The following TAFA4 variants were observed in gnomAD, a reference collection of about 807,000 sequenced individuals.
TAFA4 encodes chemokine-like protein TAFA-4.
TAFA4 carries 20 observed loss-of-function variants against 21.1 expected under a neutral mutation model. The ratio of observed to expected loss-of-function variants is 0.95; its 90% CI spans 0.67 to 1.38. TAFA4 has a LOEUF of 1.38. Among genes scored for constraint, TAFA4 ranks in the 40% most tolerant of loss-of-function variants. The pLI is 0.00. For synonymous variants in TAFA4, 71 were observed against 67.4 expected (o/e 1.05, Z -0.26); for missense variants, 211 against 180.9 (o/e 1.17, Z -0.95).
At chr3:68,783,698 A>AGG (rs1559519686) in intron 3 of TAFA4, among the ~76,000 whole-genome samples, 9 of 126,490 alleles carry the variant, frequency 7.1e-5, no homozygotes, top group Non-Finnish European at 1.2e-4. Context: ...AGAGAGAGAG[A>AGG]GAGAGAGAGA....
At position 68,732,847 on chromosome 3, in the gene TAFA4, G is replaced by A. The variant is rs1234944541; in HGVS notation, c.*295C>T. 6.9e-6 allele frequency: 3 copies of A among 432,280 alleles called. No individual in the cohort carries two copies. Among genetic ancestry groups the A allele is most frequent in the Non-Finnish European group, 1.2e-5 (3 of 242,088 alleles). 26.8% of individuals were successfully genotyped at this position (432,280 alleles called of 1,614,324 possible). A position where few individuals can be genotyped will look rare whatever the true frequency, so the allele number is the denominator to read the frequency against. On this transcript the variant is annotated 3_prime_UTR_variant, in exon 6 of 6. Transcript: ENST00000295569. ...GAAGAATGAACATGCCCTTAGTGGTGATCCATTTTGAAGACTCTGATTTGC... is the reference window on the plus strand; with the variant it reads ...GAAGAATGAACATGCCCTTAGTGGTAATCCATTTTGAAGACTCTGATTTGC...
intron 3 of TAFA4, among the ~76,000 whole-genome samples, chr3:68,790,672 G>T (rs993304065): frequency 6.6e-6 from 1 of 152,136 alleles, no homozygotes; most frequent in Non-Finnish European, 1.5e-5. Context: ...TCTGACATTT[G>T]TGCAGAGGCA....
intron 3 of TAFA4, among the ~76,000 whole-genome samples, chr3:68,774,278 C>A (rs1162128220): frequency 6.6e-6 from 1 of 152,152 alleles, no homozygotes; most frequent in Non-Finnish European, 1.5e-5. Flanking sequence ...TTATTTCATT[C>A]TGCTGCAAGC....
At chr3:68,881,851 C>T (rs2106951785) in intron 2 of TAFA4, among the ~76,000 whole-genome samples, 1 of 152,256 alleles carries the variant, frequency 6.6e-6, no homozygotes, top group South Asian at 2.1e-4. Context: ...GAAGCATCTC[C>T]AGCTCCCAGC....
At chr3:68,823,689 G>A (rs1704163393) in intron 3 of TAFA4, among the ~76,000 whole-genome samples, 1 of 152,130 alleles carries the variant, frequency 6.6e-6, no homozygotes, top group African/African-American at 2.4e-5. Context: ...CTTATAAAGT[G>A]AGGACATGCA....
At chr3:68,802,527 T>C (rs1703599464) in intron 3 of TAFA4, among the ~76,000 whole-genome samples, 1 of 152,090 alleles carries the variant, frequency 6.6e-6, no homozygotes, top group Non-Finnish European at 1.5e-5. Flanking sequence ...AGATAAATAC[T>C]ATAAGAAGTG....
At chr3:68,903,847 C>T (rs1365404921) in intron 1 of TAFA4, among the ~76,000 whole-genome samples, 1 of 152,142 alleles carries the variant, frequency 6.6e-6, no homozygotes, top group Non-Finnish European at 1.5e-5. Flanking sequence ...TCAGGACTCT[C>T]CATCCTCAGA....
intron 3 of TAFA4, among the ~76,000 whole-genome samples, chr3:68,780,858 C>A (rs1371495659): frequency 1.3e-5 from 2 of 148,876 alleles, no homozygotes; most frequent in Non-Finnish European, 3.0e-5. Context: ...ATTTTTAGTA[C>A]AATATGGAAT....
chr3:68,880,697 C>T (rs2089606364), intron 3 of TAFA4, 33 bp downstream of exon 3: 1 of 1,569,720 alleles, frequency 6.4e-7, no homozygotes, highest in African/African-American at 1.3e-5. Flanking sequence ...GTTTTATTAT[C>T]TCAGCAGTGC....
chr3:68,798,069 CA>C lies in TAFA4; in HGVS notation c.131-45052del, dbSNP rs1303372030. On this transcript the variant is annotated intron_variant, in intron 3 of 5. Transcript: ENST00000295569. ...TCTTCATCCAGCTGTCATTCACCAT[CA>C]AGGATTTCATCACACAGTATCTCAC... Among the ~76,000 whole-genome samples the C allele has an allele frequency of 3.9e-5, 6 of 152,292 alleles. No individual in the cohort carries two copies. The East Asian group carries it at 9.6e-4, about 24-fold the overall frequency.
chr3:68,879,370 A>G (rs2089590041), intron 3 of TAFA4, among the ~76,000 whole-genome samples: 1 of 152,174 alleles, frequency 6.6e-6, no homozygotes, highest in Admixed American at 6.5e-5. Flanking sequence ...CATTGCAAGG[A>G]TCATGGACTT....
chr3:68,926,738 C>A (rs2090110955), intron 1 of TAFA4, among the ~76,000 whole-genome samples: 1 of 151,840 alleles, frequency 6.6e-6, no homozygotes, highest in African/African-American at 2.4e-5. Context: ...CGTGGTGAAA[C>A]CCGTCTCTAT....
chr3:68,833,309 A>G (rs536020826), intron 3 of TAFA4, among the ~76,000 whole-genome samples: 1 of 152,146 alleles, frequency 6.6e-6, no homozygotes, highest in African/African-American at 2.4e-5. Context: ...AGCTGTTCCT[A>G]TTCAGCCATC....
chr3:68,789,422 C>T (rs149893329), intron 3 of TAFA4, among the ~76,000 whole-genome samples: 2 of 152,224 alleles, frequency 1.3e-5, no homozygotes, highest in Non-Finnish European at 2.9e-5. Flanking sequence ...ATTCTTACCA[C>T]ACACATACAC....
At chr3:68,800,886 C>A (rs1227342215) in intron 3 of TAFA4, among the ~76,000 whole-genome samples, 2 of 152,134 alleles carry the variant, frequency 1.3e-5, no homozygotes, top group African/African-American at 2.4e-5. Flanking sequence ...AAGGAAAAGG[C>A]AAAGCTATGA....
At chr3:68,811,221 G>GA (rs1414589690) in intron 3 of TAFA4, among the ~76,000 whole-genome samples, 3 of 152,106 alleles carry the variant, frequency 2.0e-5, no homozygotes, top group Admixed American at 6.6e-5. Flanking sequence ...CAAAGATGGG[G>GA]AAAAAACAGA....
chr3:68,756,847 T>C (rs78460713), intron 3 of TAFA4, among the ~76,000 whole-genome samples: 13,667 of 152,228 alleles, frequency 0.09, 739 homozygotes, highest in African/African-American at 0.14. Context: ...ATTAAATAAA[T>C]AGTAATTATA....
At chr3:68,891,028 C>G (rs932204030) in intron 1 of TAFA4, among the ~76,000 whole-genome samples, 10 of 152,062 alleles carry the variant, frequency 6.6e-5, no homozygotes, top group African/African-American at 2.2e-4. Context: ...AAATTAAGAC[C>G]AAGTATGCAA....
At chr3:68,738,659 C>T (rs575165519) in intron 5 of TAFA4, among the ~76,000 whole-genome samples, 12 of 152,278 alleles carry the variant, frequency 7.9e-5, no homozygotes, top group South Asian at 2.1e-4. Flanking sequence ...GGGAGAAAAG[C>T]GTTGGCTTCT....
Sources: allele counts gnomAD v4.1 joint callset (sites outside exome capture counted in the v4.1 genomes callset), GRCh38; gene constraint gnomAD v4.1.1; transcripts MANE v1.5; gene names NCBI Gene and HGNC (gene_info 2026-07-23, HGNC 2026-07-21).